SMPD3: variants seen among roughly 807,000 people sequenced by gnomAD.
The protein encoded by SMPD3 is nSMase-2.
SMPD3 carries 21 observed loss-of-function variants against 55.7 expected under a neutral mutation model. The ratio of observed to expected loss-of-function variants is 0.38; its 90% CI spans 0.27 to 0.54. The LOEUF (loss-of-function observed/expected upper bound fraction) is 0.54, where lower values mean the gene tolerates loss of function less well. SMPD3 is among the 20% of genes least tolerant of loss of function. The pLI, the probability that SMPD3 is intolerant of heterozygous loss-of-function variation, is 0.80. For missense variants in SMPD3, 842 were observed against 899.6 expected (o/e 0.94, Z 0.82); for synonymous variants, 457 against 404.3 (o/e 1.13, Z -1.56).
intron 1 of SMPD3, among the ~76,000 whole-genome samples, chr16:68,395,213 A>C (rs1424259836): frequency 6.6e-6 from 1 of 152,116 alleles, no homozygotes; most frequent in Non-Finnish European, 1.5e-5. Flanking sequence ...TTGAGCAACT[A>C]ATTAGCTGTG....
Position 68,371,417 on chromosome 16 carries a change from T to G in SMPD3, c.765A>C (p.Pro255=). 2 of 1,569,872 alleles carry G rather than the reference T, an allele frequency of 1.3e-6. No homozygotes were observed. The highest frequency in any genetic ancestry group is 1.7e-4 in the Middle Eastern group (1 of 5,916). Residue 255 remains proline, a synonymous_variant, in exon 3 of 9, where the codon CCA becomes CCC. Transcript: ENST00000219334. ...VRIGGEEGGR[P]PEADDPVPGG... Reference sequence around the variant, plus strand: ...CAGGCACAGGGTCGTCAGCTTCAGGTGGCCGGCCGCCCTCCTCGCCACCGA... The same window carrying G: ...CAGGCACAGGGTCGTCAGCTTCAGGGGGCCGGCCGCCCTCCTCGCCACCGA...
At chr16:68,399,974 C>T (rs941294006) in intron 1 of SMPD3, among the ~76,000 whole-genome samples, 39 of 152,246 alleles carry the variant, frequency 2.6e-4, no homozygotes, top group African/African-American at 9.4e-4. Context: ...CACACCTCTC[C>T]ACTCTACTCC....
At chr16:68,405,613 C>A (rs2090248704) in intron 1 of SMPD3, among the ~76,000 whole-genome samples, 1 of 150,450 alleles carries the variant, frequency 6.6e-6, no homozygotes, top group African/African-American at 2.4e-5. Context: ...GTCTGGGAGG[C>A]CTTGTGTTCT....
intron 2 of SMPD3, among the ~76,000 whole-genome samples, chr16:68,378,874 C>T (rs2089884780): frequency 6.6e-6 from 1 of 152,150 alleles, no homozygotes; most frequent in African/African-American, 2.4e-5. Flanking sequence ...GAGAATGAAT[C>T]CAATTCAGAG....
At chr16:68,407,613 G>A (rs1257150811) in intron 1 of SMPD3, among the ~76,000 whole-genome samples, 4 of 152,062 alleles carry the variant, frequency 2.6e-5, no homozygotes, top group African/African-American at 9.7e-5. Flanking sequence ...GGGATTACAG[G>A]TGTGAGCTAC....
intron 1 of SMPD3, among the ~76,000 whole-genome samples, chr16:68,391,987 G>A (rs1486018601): frequency 6.6e-6 from 1 of 151,944 alleles, no homozygotes; most frequent in Non-Finnish European, 1.5e-5. Flanking sequence ...CACCTCCCAG[G>A]TTCAAGTGGT....
intron 1 of SMPD3, among the ~76,000 whole-genome samples, chr16:68,398,936 A>G (rs2090183330): frequency 6.6e-6 from 1 of 152,228 alleles, no homozygotes; most frequent in African/African-American, 2.4e-5. Flanking sequence ...AGGTCAAGGA[A>G]GCCTTTGACA....
At position 68,371,957 on chromosome 16, in the gene SMPD3, C is replaced by G; in HGVS notation, c.225G>C (p.Leu75=). Reference sequence around the variant, plus strand: ...AGAGAAAGCCGAGAAACGCAAAGGGCAGCGAGGCCACCAGGAGGGCCAGGT... The same window carrying G: ...AGAGAAAGCCGAGAAACGCAAAGGGGAGCGAGGCCACCAGGAGGGCCAGGT... ...PIYLALLVAS[L]PFAFLGFLFW... is the part of the protein sequence containing the mutation. Residue 75 remains leucine (L), a synonymous_variant, in exon 3 of 9, where the codon CTG becomes CTC. Transcript: ENST00000219334. 1 of 1,612,164 alleles carries G rather than the reference C, an allele frequency of 6.2e-7. No individual in the cohort carries two copies. The highest frequency in any genetic ancestry group is 8.5e-7 in the Non-Finnish European group (1 of 1,179,616).
At chr16:68,413,388 G>A (rs930217549) in intron 1 of SMPD3, among the ~76,000 whole-genome samples, 3 of 152,230 alleles carry the variant, frequency 2.0e-5, no homozygotes, top group Non-Finnish European at 4.4e-5. Flanking sequence ...TATCCAACAG[G>A]AGGTCTCCAT....
At chr16:68,437,525 C>T (rs532565620) in intron 1 of SMPD3, among the ~76,000 whole-genome samples, 1 of 152,182 alleles carries the variant, frequency 6.6e-6, no homozygotes, top group Non-Finnish European at 1.5e-5. Context: ...TGTGGCCTTG[C>T]CCACCCTTGC....
At position 68,370,870 on chromosome 16, in the gene SMPD3, G is replaced by T; in HGVS notation, c.1312C>A (p.Leu438Met). ...NDDALASKGA[L>M]FLKVQVGSTP... is the part of the protein sequence containing the mutation. ...CCGAGGTCTCCTACCTTGAGAAACA[G>T]AGCTCCCTTAGAGGCCAGGGCATCG... Residue 438 changes from leucine to methionine, a missense_variant, in exon 3 of 9, where the codon CTG becomes ATG. By Grantham distance (15) the Leu-to-Met change is conservative. Around this residue, in one of 2 missense-constraint regions of SMPD3, gnomAD observed 649 missense variants for 643.6 expected, o/e 1.01. Coordinates refer to ENST00000219334, the MANE Select transcript of SMPD3 (RefSeq NM_018667.4). 1 of 1,613,660 alleles carries T rather than the reference G, an allele frequency of 6.2e-7. No homozygotes were observed. The highest frequency in any genetic ancestry group is 8.5e-7 in the Non-Finnish European group (1 of 1,179,804).
chr16:68,389,224 C>T (rs1205387859), intron 1 of SMPD3, among the ~76,000 whole-genome samples: 3 of 152,176 alleles, frequency 2.0e-5, no homozygotes, highest in Non-Finnish European at 4.4e-5. Flanking sequence ...GAAAGTGGGC[C>T]GTTTACCTAG....
At chr16:68,416,046 T>C (rs1188828259) in intron 1 of SMPD3, among the ~76,000 whole-genome samples, 1 of 152,212 alleles carries the variant, frequency 6.6e-6, no homozygotes, top group African/African-American at 2.4e-5. Context: ...ACATCTGCGC[T>C]GCAAGGGCTG....
rs199813784 is a variant in SMPD3, at chr16:68,372,192, T to C, written c.-11A>G. The C allele has an allele frequency of 7.5e-6, 12 of 1,609,580 alleles. No individual in the cohort carries two copies. Among genetic ancestry groups the C allele is most frequent in the Non-Finnish European group, 8.5e-6 (10 of 1,178,606 alleles). On this transcript the variant is annotated 5_prime_UTR_variant, in exon 3 of 9. Coordinates refer to ENST00000219334, the MANE Select transcript of SMPD3 (RefSeq NM_018667.4). ...CGTGTACAAAACCATCGCAGCTCAC[T>C]GGGCGCCGCAGCCGGCCCTACTACA...
chr16:68,406,327 C>T (rs1416378316), intron 1 of SMPD3, among the ~76,000 whole-genome samples: 1 of 152,198 alleles, frequency 6.6e-6, no homozygotes, highest in Admixed American at 6.5e-5. Flanking sequence ...GTATAATTAA[C>T]ACTTTCTTAT....
intron 7 of SMPD3, among the ~76,000 whole-genome samples, 175 bp downstream of exon 7, chr16:68,363,321 C>T (rs1441021540): frequency 1.3e-5 from 2 of 152,206 alleles, no homozygotes; most frequent in Non-Finnish European, 2.9e-5. Flanking sequence ...GGTCTACCTG[C>T]CTGGCCCAGC....
At chr16:68,422,119 C>G (rs2090399749) in intron 1 of SMPD3, among the ~76,000 whole-genome samples, 1 of 152,216 alleles carries the variant, frequency 6.6e-6, no homozygotes, top group Non-Finnish European at 1.5e-5. Context: ...TAGAAGGAAA[C>G]AGATTCTCCC....
At chr16:68,445,659 CACTGGGAGTGGAT>C (rs1368090831) in intron 1 of SMPD3, among the ~76,000 whole-genome samples, 1 of 152,184 alleles carries the variant, frequency 6.6e-6, no homozygotes, top group Non-Finnish European at 1.5e-5. Context: ...TCGCTGTGGA[CACTGGGAGTGGAT>C]ACTTGTGGGA....
chr16:68,383,320 G>A (rs2089989259), intron 2 of SMPD3, among the ~76,000 whole-genome samples: 1 of 152,206 alleles, frequency 6.6e-6, no homozygotes, highest in African/African-American at 2.4e-5. Context: ...ACCTGAGGCT[G>A]CCTGCCCTCC....
Sources: gnomAD v4.1 joint callset for allele counts (sites outside exome capture counted in the v4.1 genomes callset) on GRCh38, gnomAD v4.1.1 for gene constraint, gnomAD v4.1.1 regional missense constraint, MANE v1.5 for transcripts, NCBI Gene and HGNC (gene_info 2026-07-23, HGNC 2026-07-21) for gene names.